PLEKHM2: variants seen among roughly 807,000 people sequenced by gnomAD.
PLEKHM2 encodes pleckstrin homology domain-containing family M member 2.
In PLEKHM2, 77 loss-of-function variants were observed where a neutral mutation model predicts 116.3. That is an observed-to-expected ratio of 0.66 (90% CI 0.55 to 0.80). The LOEUF (loss-of-function observed/expected upper bound fraction) is 0.80. PLEKHM2 is among the 30% of genes least tolerant of loss of function. The pLI, the probability that PLEKHM2 is intolerant of heterozygous loss-of-function variation, is 0.00. For missense variants in PLEKHM2, 1,183 were observed against 1,354.9 expected (o/e 0.87, Z 1.99); for synonymous variants, 562 against 571.0 (o/e 0.98, Z 0.22).
intron 1 of PLEKHM2, among the ~76,000 whole-genome samples, chr1:15,694,443 T>C (rs1640950174): frequency 6.6e-6 from 1 of 152,090 alleles, no homozygotes; most frequent in Non-Finnish European, 1.5e-5. Context: ...TGAGCAACTC[T>C]GGGCCCCGAG....
At chr1:15,707,444 C>T (rs778602417) in intron 1 of PLEKHM2, among the ~76,000 whole-genome samples, 14 of 151,980 alleles carry the variant, frequency 9.2e-5, no homozygotes, top group Non-Finnish European at 1.9e-4. Flanking sequence ...CTCCACTTGC[C>T]GTCATAGCAC....
chr1:15,733,799 G>A lies in PLEKHM2; in HGVS notation c.2925G>A (p.Val975=), dbSNP rs1484021770. 6.2e-7 allele frequency: 1 copy of A among 1,612,730 alleles called. No individual in the cohort carries two copies. The highest frequency in any genetic ancestry group is 2.2e-5 in the East Asian group (1 of 44,876). The change falls in exon 20 of 20, where the codon GTG becomes GTA. Residue 975 remains valine (V), a splice_region_variant and synonymous_variant. Coordinates refer to ENST00000375799, the MANE Select transcript of PLEKHM2 (RefSeq NM_015164.4). ...GTTCTCTGCACGCCCCAACACAGGT[G>A]GACCTCCCCCACACGGCGATCCAGG... is the stretch of plus-strand genomic sequence containing the variant. The part of the protein sequence containing the change: ...LNSGWKTIYQ[V]DLPHTAIQEA...
chr1:15,698,541 C>CTTTTTTTTTT (rs1249746368), intron 1 of PLEKHM2, among the ~76,000 whole-genome samples: 3 of 139,030 alleles, frequency 2.2e-5, no homozygotes, highest in Admixed American at 7.1e-5. Context: ...TTCTTTCTTT[C>CTTTTTTTTTT]TTTCTTTCTT....
At chr1:15,694,020 C>T (rs80107735) in intron 1 of PLEKHM2, among the ~76,000 whole-genome samples, 2 of 152,242 alleles carry the variant, frequency 1.3e-5, no homozygotes, top group East Asian at 1.9e-4. Context: ...GAGCTTTTCT[C>T]ATGACAGAAA....
chr1:15,702,717 CTTTTT>C (rs34226783), intron 1 of PLEKHM2, among the ~76,000 whole-genome samples: 3 of 89,934 alleles, frequency 3.3e-5, no homozygotes, highest in African/African-American at 1.6e-4. Flanking sequence ...CGTGCCCAGC[CTTTTT>C]TTTTTTTTTT....
chr1:15,708,216 ATTTTTCT>A (rs758589080), intron 1 of PLEKHM2, among the ~76,000 whole-genome samples: 34 of 138,732 alleles, frequency 2.5e-4, no homozygotes, highest in Non-Finnish European at 4.8e-4. Context: ...AGGGAACTGC[ATTTTTCT>A]TTTTTCTTTT....
chr1:15,702,348 G>A (rs986295487), intron 1 of PLEKHM2, among the ~76,000 whole-genome samples: 1 of 152,228 alleles, frequency 6.6e-6, no homozygotes, highest in African/African-American at 2.4e-5. Context: ...TGTGGCCATC[G>A]TGGATGTAAT....
At chr1:15,687,455 T>C (rs1185258843) in intron 1 of PLEKHM2, among the ~76,000 whole-genome samples, 1 of 152,164 alleles carries the variant, frequency 6.6e-6, no homozygotes, top group African/African-American at 2.4e-5. Flanking sequence ...ATTACAGGCA[T>C]GGTGAAGTTT....
At chr1:15,699,990 CA>C (rs60375585) in intron 1 of PLEKHM2, among the ~76,000 whole-genome samples, 24,901 of 136,506 alleles carry the variant, frequency 0.18, 3,947 homozygotes, top group African/African-American at 0.44. Flanking sequence ...GCCCCCATCT[CA>C]AAAAAAAAAA....
At chr1:15,716,962 C>T in intron 3 of PLEKHM2, 146 bp downstream of exon 3, 1 of 990,390 alleles carries the variant, frequency 1.0e-6, no homozygotes, top group Non-Finnish European at 1.5e-6. Flanking sequence ...TGTTAAAATG[C>T]CAGCACCAGG....
chr1:15,687,077 C>G (rs1418409056), intron 1 of PLEKHM2, among the ~76,000 whole-genome samples: 1 of 151,398 alleles, frequency 6.6e-6, no homozygotes, highest in African/African-American at 2.4e-5. Flanking sequence ...CATGAGCCAC[C>G]GTGCCCGACT....
At chr1:15,710,417 T>C (rs1263411778) in intron 1 of PLEKHM2, among the ~76,000 whole-genome samples, 4 of 151,220 alleles carry the variant, frequency 2.6e-5, no homozygotes, top group Non-Finnish European at 4.4e-5. Flanking sequence ...AACCTCCAAC[T>C]CCCGAGTTCA....
At chr1:15,682,652 C>CA (rs146018151), upstream of PLEKHM2, among the ~76,000 whole-genome samples, 1 of 71,784 alleles carries the variant, frequency 1.4e-5, no homozygotes. Context: ...ACAAAAAAAA[C>CA]AAAAAACAAA....
At chr1:15,684,643 G>A (rs1251329548) in intron 1 of PLEKHM2, 25 bp downstream of exon 1, 5 of 1,235,956 alleles carry the variant, frequency 4.0e-6, no homozygotes, top group East Asian at 6.9e-5. Context: ...CCTCCCGGCC[G>A]GGGCCCCTTC....
At chr1:15,701,425 C>T (rs1641109579) in intron 1 of PLEKHM2, among the ~76,000 whole-genome samples, 1 of 149,118 alleles carries the variant, frequency 6.7e-6, no homozygotes, top group African/African-American at 2.5e-5. Flanking sequence ...AAGAGCACAA[C>T]TCCATCTCAA....
At chr1:15,724,610 C>T (rs1182338786) in intron 7 of PLEKHM2, among the ~76,000 whole-genome samples, 1 of 152,144 alleles carries the variant, frequency 6.6e-6, no homozygotes, top group Non-Finnish European at 1.5e-5. Flanking sequence ...GCCTCTCGGA[C>T]CCCTGTCTTT....
At chr1:15,724,069 C>A (rs2068029233) in intron 7 of PLEKHM2, among the ~76,000 whole-genome samples, 1 of 152,186 alleles carries the variant, frequency 6.6e-6, no homozygotes, top group Non-Finnish European at 1.5e-5. Flanking sequence ...CTCTCCTGCC[C>A]TGTTCCAGTA....
chr1:15,702,707 C>T (rs912327963), intron 1 of PLEKHM2, among the ~76,000 whole-genome samples: 31 of 146,488 alleles, frequency 2.1e-4, no homozygotes, highest in Admixed American at 4.1e-4. Flanking sequence ...CATAAGCCAC[C>T]GTGCCCAGCC....
In PLEKHM2 at chr1:15,728,259, G is replaced by A; in HGVS notation, c.1831-8G>A. The A allele has an allele frequency of 6.2e-7, 1 of 1,613,038 alleles. No individual in the cohort carries two copies. The highest frequency in any genetic ancestry group is 2.2e-5 in the East Asian group (1 of 44,872). On this transcript the variant is annotated splice_region_variant and splice_polypyrimidine_tract_variant and intron_variant, in intron 10 of 19. Coordinates refer to ENST00000375799, the MANE Select transcript of PLEKHM2 (RefSeq NM_015164.4). This position sits in a 1 kb window ranked among gnomAD's most constrained non-coding sequence, Gnocchi z 5.9. ...ACCTGCCTGACCCTTGTCTGCTTCG[G>A]CCCCCAGATGATCCGGATGAGCACC...
Sources: gnomAD v4.1 joint callset for allele counts (sites outside exome capture counted in the v4.1 genomes callset) on GRCh38, gnomAD v4.1.1 for gene constraint, Gnocchi (gnomAD v3.1) non-coding constraint, MANE v1.5 for transcripts, NCBI Gene and HGNC (gene_info 2026-07-23, HGNC 2026-07-21) for gene names.